SSBP2: variants seen among roughly 807,000 people sequenced by gnomAD.
The protein encoded by SSBP2 is single stranded DNA binding protein 2.
In SSBP2, 17 loss-of-function variants were observed where a neutral mutation model predicts 61.8. The observed-to-expected ratio is 0.28, with a 90% CI of 0.19 to 0.41. The LOEUF (loss-of-function observed/expected upper bound fraction) is 0.41. Ranked by LOEUF, SSBP2 falls within the 10% of genes least tolerant of loss-of-function variation. The pLI is 1.00. For synonymous variants in SSBP2, 139 were observed against 141.3 expected (o/e 0.98, Z 0.12); for missense variants, 310 against 458.7 (o/e 0.68, Z 2.96).
chr5:81,746,962 T>C (rs904224676), intron 1 of SSBP2, among the ~76,000 whole-genome samples: 1 of 140,516 alleles, frequency 7.1e-6, no homozygotes, highest in South Asian at 2.3e-4. Context: ...CAACATTTCA[T>C]ATAGGAATTG....
chr5:81,644,840 A>G (rs1051838368), intron 2 of SSBP2, among the ~76,000 whole-genome samples: 21 of 152,208 alleles, frequency 1.4e-4, no homozygotes, highest in Non-Finnish European at 2.4e-4. Flanking sequence ...GCAACAATCT[A>G]CAATATTAGG....
At chr5:81,426,812 A>G (rs1385216736) in intron 16 of SSBP2, among the ~76,000 whole-genome samples, 1 of 152,252 alleles carries the variant, frequency 6.6e-6, no homozygotes, top group Non-Finnish European at 1.5e-5. Context: ...TAGAGGGAAG[A>G]GTTCCTCTTG....
At chr5:81,611,395 G>A (rs1745424679) in intron 4 of SSBP2, among the ~76,000 whole-genome samples, 2 of 151,980 alleles carry the variant, frequency 1.3e-5, no homozygotes. Context: ...AAGTAAACAA[G>A]TGGCTATAAA....
chr5:81,657,100 TA>T (rs1215913995), intron 1 of SSBP2, among the ~76,000 whole-genome samples: 1 of 152,214 alleles, frequency 6.6e-6, no homozygotes, highest in African/African-American at 2.4e-5. Context: ...GAGAATTTTT[TA>T]CCGCATAACT....
chr5:81,579,999 T>C (rs1319066357), intron 4 of SSBP2, among the ~76,000 whole-genome samples: 3 of 152,144 alleles, frequency 2.0e-5, no homozygotes, highest in African/African-American at 7.2e-5. Flanking sequence ...AAGGAGTTTA[T>C]GTTCTATAGG....
chr5:81,670,039 A>G (rs1237872877), intron 1 of SSBP2, among the ~76,000 whole-genome samples: 1 of 152,140 alleles, frequency 6.6e-6, no homozygotes, highest in Admixed American at 6.6e-5. Context: ...CACAGAATGC[A>G]GGATTTTTAG....
chr5:81,506,749 A>G (rs1224395008), intron 5 of SSBP2, among the ~76,000 whole-genome samples: 1 of 152,196 alleles, frequency 6.6e-6, no homozygotes, highest in Non-Finnish European at 1.5e-5. Context: ...GAATATAGAT[A>G]CTAAGGTATC....
intron 4 of SSBP2, among the ~76,000 whole-genome samples, chr5:81,556,826 C>T (rs905113701): frequency 1.3e-5 from 2 of 152,128 alleles, no homozygotes; most frequent in African/African-American, 4.8e-5. Context: ...TTCTCTATAC[C>T]TCATTTTTTC....
intron 1 of SSBP2, among the ~76,000 whole-genome samples, chr5:81,655,138 GATCTT>G (rs1367510014): frequency 1.3e-5 from 2 of 151,978 alleles, no homozygotes; most frequent in African/African-American, 4.8e-5. Flanking sequence ...AATAAAGCCA[GATCTT>G]ATGTCTTAAA....
intron 4 of SSBP2, among the ~76,000 whole-genome samples, chr5:81,611,833 C>T (rs1745479681): frequency 6.6e-6 from 1 of 151,974 alleles, no homozygotes; most frequent in African/African-American, 2.4e-5. Flanking sequence ...ACATTAGTTT[C>T]TTCATTTATT....
At chr5:81,568,751 T>C (rs1773626949) in intron 4 of SSBP2, among the ~76,000 whole-genome samples, 2 of 152,250 alleles carry the variant, frequency 1.3e-5, no homozygotes, top group African/African-American at 2.4e-5. Flanking sequence ...CCTTTGTACA[T>C]ATATGACAGA....
intron 9 of SSBP2, among the ~76,000 whole-genome samples, chr5:81,464,887 GATAATACA>G (rs1444277285): frequency 6.6e-6 from 1 of 151,986 alleles, no homozygotes; most frequent in African/African-American, 2.4e-5. Flanking sequence ...TTGTTTTAAA[GATAATACA>G]TTATAAAGTG....
chr5:81,472,751 C>T (rs1765332197), intron 8 of SSBP2, among the ~76,000 whole-genome samples: 1 of 152,110 alleles, frequency 6.6e-6, no homozygotes, highest in Admixed American at 6.5e-5. Context: ...AGGCACCTGC[C>T]ACCTCGCCTG....
intron 1 of SSBP2, 38 bp downstream of exon 1, chr5:81,750,943 T>C: frequency 6.4e-7 from 1 of 1,557,542 alleles, no homozygotes. Flanking sequence ...TGTGCGCGCG[T>C]GTGAAGGCGG....
chr5:81,678,867 G>C (rs1362091110), intron 1 of SSBP2, among the ~76,000 whole-genome samples: 1 of 152,094 alleles, frequency 6.6e-6, no homozygotes, highest in African/African-American at 2.4e-5. Flanking sequence ...TTGAAAATTT[G>C]TTGCCAGCAG....
At chr5:81,618,004 A>G (rs1746225559) in intron 3 of SSBP2, among the ~76,000 whole-genome samples, 1 of 132,530 alleles carries the variant, frequency 7.5e-6, no homozygotes, top group East Asian at 2.2e-4. Flanking sequence ...AATCATGCCA[A>G]AATGTAAAGA....
Position 81,651,576 on chromosome 5 carries a change from T to C in SSBP2, c.63-1237A>G, listed in dbSNP as rs188331995. Among the ~76,000 whole-genome samples the C allele has an allele frequency of 2.1e-3, 313 of 152,222 alleles. 2 individuals are homozygous for C. Among genetic ancestry groups the C allele is most frequent in the African/African-American group, 7.3e-3 (304 of 41,540 alleles). On this transcript the variant is annotated intron_variant, in intron 1 of 16. Coordinates refer to ENST00000320672, the MANE Select transcript of SSBP2 (RefSeq NM_012446.5). ...TGAGGATGAATGTAATTTAGAAACA[T>C]CTCCAAACATATTCAAATTGAATGA...
At chr5:81,749,681 G>A (rs1310180421) in intron 1 of SSBP2, among the ~76,000 whole-genome samples, 1 of 151,976 alleles carries the variant, frequency 6.6e-6, no homozygotes, top group Non-Finnish European at 1.5e-5. Context: ...AAAAAAGGGG[G>A]GGGTTCTTCC....
At chr5:81,521,421 G>A (rs1404695125) in intron 4 of SSBP2, among the ~76,000 whole-genome samples, 2 of 151,836 alleles carry the variant, frequency 1.3e-5, no homozygotes, top group East Asian at 3.9e-4. Flanking sequence ...CACTATGCTT[G>A]AGTTTTAATT....
Sources: gnomAD v4.1 joint callset for allele counts (sites outside exome capture counted in the v4.1 genomes callset) on GRCh38, gnomAD v4.1.1 for gene constraint, MANE v1.5 for transcripts, NCBI Gene and HGNC (gene_info 2026-07-23, HGNC 2026-07-21) for gene names.